CCDC18: variants seen among roughly 807,000 people sequenced by gnomAD.
The protein encoded by CCDC18 is coiled-coil domain containing 18, also known as coiled-coil domain-containing protein 18.
CCDC18 carries 157 observed loss-of-function variants against 196.0 expected under a neutral mutation model. The ratio of observed to expected loss-of-function variants is 0.80; its 90% CI spans 0.70 to 0.91. CCDC18 has a LOEUF of 0.91. CCDC18 is among the 40% of genes least tolerant of loss of function. CCDC18 has a pLI of 0.00. For synonymous variants in CCDC18, 482 were observed against 529.2 expected, an observed-to-expected ratio of 0.91 and a Z score of 1.22; for missense variants, 1,465 against 1,611.6, an observed-to-expected ratio of 0.91 and a Z score of 1.56.
rs569934795 is a variant in CCDC18 at position 93,230,746 on chromosome 1, C to T, written c.2293-1680C>T. On this transcript the variant is annotated intron_variant, in intron 17 of 28. Coordinates refer to ENST00000690025, the MANE Select transcript of CCDC18 (RefSeq NM_001378204.1). ...GTTTTGTCTTATTTTAATATTTTGT[C>T]CATTTTTTTCTCTGAATAGGTAAGT... Among the ~76,000 whole-genome samples the T allele has an allele frequency of 2.2e-4, 33 of 151,566 alleles. No individual in the cohort carries two copies. In the East Asian group the frequency reaches 6.2e-3, roughly 29 times the overall value.
In CCDC18 at chr1:93,217,739, A is replaced by G. The variant is rs767532033; in HGVS notation, c.1832A>G (p.Glu611Gly). The change falls in exon 14 of 29, where the codon GAA becomes GGA. Residue 611 changes from glutamate (E) to glycine (G), a missense_variant and splice_region_variant. Coordinates refer to ENST00000690025, the MANE Select transcript of CCDC18 (RefSeq NM_001378204.1). The part of the protein sequence containing the change: ...KNAELEQELM[E>G]KNEKIRSLET... ...CTTTAAAGTGTTTTGTGTTTCTAGG[A>G]AAAGAATGAAAAGATAAGGAGTCTA... 9 of 1,597,310 alleles carry G rather than the reference A, an allele frequency of 5.6e-6. No homozygotes were observed. The highest frequency in any genetic ancestry group is 1.7e-4 in the Middle Eastern group (1 of 5,910).
At chr1:93,272,616 CT>C (rs1369430687) in intron 28 of CCDC18, among the ~76,000 whole-genome samples, 2 of 152,140 alleles carry the variant, frequency 1.3e-5, no homozygotes, top group Non-Finnish European at 2.9e-5. Context: ...AATGTCGAGG[CT>C]TTTATGACCC....
chr1:93,260,633 TA>T (rs950253941), intron 26 of CCDC18, among the ~76,000 whole-genome samples: 1 of 152,058 alleles, frequency 6.6e-6, no homozygotes, highest in African/African-American at 2.4e-5. Flanking sequence ...CTTTTTTTTT[TA>T]ATACATTAAG....
intron 23 of CCDC18, among the ~76,000 whole-genome samples, chr1:93,250,548 T>A (rs1662103310): frequency 1.3e-5 from 2 of 152,184 alleles, no homozygotes; most frequent in African/African-American, 4.8e-5. Flanking sequence ...TGTTCATTAC[T>A]GAGAGTGGGG....
chr1:93,181,460 C>G (rs1339711510), intron 1 of CCDC18, among the ~76,000 whole-genome samples: 1 of 152,060 alleles, frequency 6.6e-6, no homozygotes, highest in Non-Finnish European at 1.5e-5. Flanking sequence ...GGATGATGTG[C>G]TTTTCTAGGT....
Position 93,207,170 on chromosome 1 carries a change from A to C in CCDC18, c.981A>C (p.Ser327=), listed in dbSNP as rs1054399278. 1 of 1,606,564 alleles carries C rather than the reference A, an allele frequency of 6.2e-7. No individual in the cohort carries two copies. The highest frequency in any genetic ancestry group is 1.3e-5 in the African/African-American group (1 of 74,866). ...TAAGGATCATGGCAGTGAAAAATTC[A>C]GAAGTCATGGCACAACTAACTGAAT... ...EKLRIMAVKN[S]EVMAQLTESR... The change falls in exon 9 of 29, where the codon TCA becomes TCC. Residue 327 remains serine (S), a synonymous_variant. Transcript: ENST00000690025.
Position 93,190,442 on chromosome 1 carries a change from G to A in CCDC18, c.463-1558G>A, listed in dbSNP as rs182541361. Among the ~76,000 whole-genome samples, 477 of 152,240 alleles carry A rather than the reference G, an allele frequency of 3.1e-3. 1 individual carries two copies. The highest frequency in any genetic ancestry group is 9.8e-3 in the African/African-American group (408 of 41,526). Reference sequence around the variant, plus strand: ...GCGGAGGTTGCAGTGAGCCGAGATCGCGCCACTGCACTCCAGCCTGGTGAC... The same window carrying A: ...GCGGAGGTTGCAGTGAGCCGAGATCACGCCACTGCACTCCAGCCTGGTGAC... On this transcript the variant is annotated intron_variant, in intron 4 of 28. Transcript: ENST00000690025.
rs745747318 is a variant in CCDC18, at chr1:93,239,746, G to A, written c.2831G>A (p.Arg944Gln). The A allele has an allele frequency of 5.0e-6, 8 of 1,613,762 alleles. No homozygotes were observed. Among genetic ancestry groups the A allele is most frequent in the South Asian group, 2.2e-5 (2 of 91,072 alleles). ...ETELTEALQK[R>Q]EVLETELQNA... is the part of the protein sequence containing the mutation. ...GAACTAACAGAAGCCTTGCAAAAAC[G>A]GGAAGTACTTGAGACTGAACTACAA... The change falls in exon 21 of 29, where the codon CGG becomes CAG. Residue 944 changes from arginine (R) to glutamine (Q), a missense_variant. Physicochemically the swap from Arg to Gln is conservative, Grantham distance 43. Coordinates refer to ENST00000690025, the MANE Select transcript of CCDC18 (RefSeq NM_001378204.1).
chr1:93,207,396 CCAGT>C lies in CCDC18; in HGVS notation c.1208_1209+2del. ...TTTGGAAAAGATTATATCCCAGTTG[CCAGT>C]AAGTATGTGTGATTACGTAATGGAA... On this transcript the variant is annotated splice_donor_variant and coding_sequence_variant, in exon 9 of 29. Coordinates refer to ENST00000690025, the MANE Select transcript of CCDC18 (RefSeq NM_001378204.1). LOFTEE classifies it high-confidence loss of function. 1 of 1,580,458 alleles carries C rather than the reference CCAGT, an allele frequency of 6.3e-7. No individual in the cohort carries two copies. Among genetic ancestry groups the C allele is most frequent in the Non-Finnish European group, 8.6e-7 (1 of 1,161,894 alleles).
intron 20 of CCDC18, 92 bp from the exon 21 acceptor site, chr1:93,239,591 G>A (rs534932853): frequency 3.6e-5 from 49 of 1,350,084 alleles, no homozygotes; most frequent in Middle Eastern, 2.5e-4. Flanking sequence ...TTTGCCTCTC[G>A]TAGATGAATA....
intron 4 of CCDC18, chr1:93,190,934 T>C: frequency 1.5e-5 from 12 of 806,966 alleles, no homozygotes; most frequent in Non-Finnish European, 2.6e-5. Context: ...CTCTGCTTCC[T>C]GTCATATCGA....
chr1:93,223,546 T>C (rs1219806045), intron 16 of CCDC18, among the ~76,000 whole-genome samples: 1 of 152,206 alleles, frequency 6.6e-6, no homozygotes, highest in Non-Finnish European at 1.5e-5. Context: ...AGGAAAGTTA[T>C]AAGGGTCAGT....
At chr1:93,258,674 T>C in intron 25 of CCDC18, 74 bp from the exon 26 acceptor site, 1 of 1,189,208 alleles carries the variant, frequency 8.4e-7, no homozygotes, top group South Asian at 2.0e-5. Context: ...CTTCCAATAA[T>C]GCACTGGATT....
chr1:93,265,962 A>C (rs1269069689), intron 27 of CCDC18, among the ~76,000 whole-genome samples: 1 of 152,156 alleles, frequency 6.6e-6, no homozygotes, highest in Non-Finnish European at 1.5e-5. Flanking sequence ...CATCGACAGA[A>C]CTCTCCACTG....
chr1:93,253,074 T>G (rs1045947075), intron 23 of CCDC18, among the ~76,000 whole-genome samples: 3 of 152,046 alleles, frequency 2.0e-5, no homozygotes, highest in African/African-American at 4.8e-5. Flanking sequence ...GGGGCTGGAG[T>G]TGAGACTGGC....
intron 7 of CCDC18, among the ~76,000 whole-genome samples, chr1:93,203,242 T>A (rs569551502): frequency 6.6e-5 from 10 of 152,246 alleles, no homozygotes; most frequent in Admixed American, 3.9e-4. Flanking sequence ...ATATAGGATA[T>A]TTTTAGGTTG....
chr1:93,208,338 G>GT (rs34659994), intron 9 of CCDC18, among the ~76,000 whole-genome samples: 90,271 of 147,394 alleles, frequency 0.61, 28,040 homozygotes, highest in South Asian at 0.69. Flanking sequence ...TTTTTTGTTT[G>GT]TTTGTTTTTT....
chr1:93,226,300 T>G (rs756964644), intron 16 of CCDC18, 33 bp from the exon 17 acceptor site: 159 of 442,576 alleles, frequency 3.6e-4, no homozygotes, highest in Non-Finnish European at 1.1e-4. Flanking sequence ...CGTTTTGTGT[T>G]TTTTTTTTTT....
At chr1:93,252,023 A>G (rs981479449) in intron 23 of CCDC18, among the ~76,000 whole-genome samples, 4 of 150,272 alleles carry the variant, frequency 2.7e-5, no homozygotes, top group African/African-American at 9.9e-5. Context: ...CTGTCTGTCT[A>G]TCTATCTATC....
Sources: allele counts gnomAD v4.1 joint callset (sites outside exome capture counted in the v4.1 genomes callset), GRCh38; gene constraint gnomAD v4.1.1; transcripts MANE v1.5; gene names NCBI Gene and HGNC (gene_info 2026-07-23, HGNC 2026-07-21).